Variants in ST7 observed in about 807,000 individuals in gnomAD.
ST7 encodes suppression of tumorigenicity 7, also known as suppressor of tumorigenicity 7 protein.
Under a neutral mutation model 78.7 loss-of-function variants are expected in ST7, and 28 were observed. The ratio of observed to expected loss-of-function variants is 0.36; its 90% CI spans 0.26 to 0.49. The LOEUF (loss-of-function observed/expected upper bound fraction) is 0.49. Among genes scored for constraint, ST7 ranks in the 20% least tolerant of loss-of-function variants. ST7 has a pLI of 0.99. For missense variants in ST7, 418 were observed against 696.0 expected, an observed-to-expected ratio of 0.60 and a Z score of 4.49; for synonymous variants, 247 against 249.6, an observed-to-expected ratio of 0.99 and a Z score of 0.10.
chr7:116,985,734 G>A (rs975940832), intron 1 of ST7, among the ~76,000 whole-genome samples: 1 of 152,198 alleles, frequency 6.6e-6, no homozygotes, highest in Non-Finnish European at 1.5e-5. Context: ...TTTTAGATGA[G>A]CTGTGAGGAA....
At chr7:117,202,679 C>G (rs568640567) in intron 12 of ST7, among the ~76,000 whole-genome samples, 1 of 152,260 alleles carries the variant, frequency 6.6e-6, no homozygotes, top group South Asian at 2.1e-4. Context: ...TCTGTTGATC[C>G]TACACATGAC....
At chr7:117,022,413 A>G (rs1043823623) in intron 1 of ST7, among the ~76,000 whole-genome samples, 1 of 152,208 alleles carries the variant, frequency 6.6e-6, no homozygotes, top group Non-Finnish European at 1.5e-5. Context: ...CATTCTGCAC[A>G]TGTACCCCAG....
chr7:117,034,901 GT>G (rs1796797505), intron 1 of ST7, among the ~76,000 whole-genome samples: 1 of 152,062 alleles, frequency 6.6e-6, no homozygotes, highest in Admixed American at 6.6e-5. Flanking sequence ...TTACTTTCTG[GT>G]TTGTTTCTTT....
intron 1 of ST7, among the ~76,000 whole-genome samples, chr7:117,087,618 C>A (rs1356839688): frequency 1.3e-5 from 2 of 152,198 alleles, no homozygotes; most frequent in African/African-American, 4.8e-5. Context: ...TTATCTTTAA[C>A]TTAAGTCACA....
intron 10 of ST7, 23 bp from the exon 11 acceptor site, chr7:117,189,298 C>T (rs1809562582): frequency 6.3e-7 from 1 of 1,581,544 alleles, no homozygotes; most frequent in Non-Finnish European, 8.6e-7. Context: ...CTTATGTGTT[C>T]CTACTTTCTT....
At chr7:117,173,424 T>C (rs984036462) in intron 10 of ST7, 1 of 152,222 alleles carries the variant, frequency 6.6e-6, no homozygotes, top group Non-Finnish European at 1.5e-5. Flanking sequence ...AGGGTTGAGC[T>C]GCAGCCACTG....
intron 1 of ST7, chr7:117,073,195 G>T (rs1229012145): frequency 6.6e-6 from 1 of 152,118 alleles, no homozygotes; most frequent in African/African-American, 2.4e-5. Context: ...AACAACTGAA[G>T]AAATCAATAG....
At chr7:117,015,386 T>C (rs1181482731) in intron 1 of ST7, among the ~76,000 whole-genome samples, 1 of 151,996 alleles carries the variant, frequency 6.6e-6, no homozygotes, top group East Asian at 1.9e-4. Flanking sequence ...CTACAGAGAG[T>C]TTCTGTTATT....
At chr7:116,970,201 A>G (rs1013324994) in intron 1 of ST7, among the ~76,000 whole-genome samples, 1 of 152,212 alleles carries the variant, frequency 6.6e-6, no homozygotes, top group Non-Finnish European at 1.5e-5. Flanking sequence ...AGGGTGGAAC[A>G]TCCTGTGTTA....
intron 12 of ST7, chr7:117,198,534 C>A (rs1810521529): frequency 6.7e-6 from 2 of 299,032 alleles, no homozygotes; most frequent in Admixed American, 9.0e-5. Flanking sequence ...CAGCTTGTAG[C>A]TGCTTGGTAA....
At chr7:117,207,346 C>T (rs1791867005) in intron 12 of ST7, among the ~76,000 whole-genome samples, 1 of 151,862 alleles carries the variant, frequency 6.6e-6, no homozygotes, top group Non-Finnish European at 1.5e-5. Context: ...GTTTTACCAC[C>T]TTGGCCAGGC....
At chr7:117,228,655 T>G (rs1187842443) in intron 15 of ST7, among the ~76,000 whole-genome samples, 2 of 152,192 alleles carry the variant, frequency 1.3e-5, no homozygotes, top group Non-Finnish European at 2.9e-5. Context: ...AGACCCACAG[T>G]CCACAGAACA....
chr7:117,089,898 A>G (rs1329596364), intron 1 of ST7, among the ~76,000 whole-genome samples: 1 of 151,974 alleles, frequency 6.6e-6, no homozygotes, highest in East Asian at 1.9e-4. Context: ...ACTTTCTTGC[A>G]TGCTAACACA....
intron 10 of ST7, chr7:117,184,304 G>A (rs547413699): frequency 2.6e-5 from 4 of 152,246 alleles, no homozygotes; most frequent in Admixed American, 2.0e-4. Flanking sequence ...ATTCTAACTC[G>A]TAAGAGGTAA....
intron 9 of ST7, among the ~76,000 whole-genome samples, chr7:117,166,400 G>A (rs960494227): frequency 6.7e-6 from 1 of 150,236 alleles, no homozygotes; most frequent in African/African-American, 2.4e-5. Context: ...GGTGACTATA[G>A]TTTATTATAC....
At chr7:117,185,922 C>G (rs1809219067) in intron 10 of ST7, among the ~76,000 whole-genome samples, 1 of 151,406 alleles carries the variant, frequency 6.6e-6, no homozygotes, top group Non-Finnish European at 1.5e-5. Flanking sequence ...GACTCTGTCT[C>G]AAAAAATAAA....
intron 12 of ST7, among the ~76,000 whole-genome samples, chr7:117,205,543 A>G (rs1584599294): frequency 6.6e-6 from 1 of 152,216 alleles, no homozygotes; most frequent in Non-Finnish European, 1.5e-5. Flanking sequence ...CATTCAAATT[A>G]TGATAGAATT....
intron 1 of ST7, among the ~76,000 whole-genome samples, chr7:117,030,617 CCAAT>C (rs1276173935): frequency 6.6e-6 from 1 of 152,074 alleles, no homozygotes; most frequent in Non-Finnish European, 1.5e-5. Context: ...TAGAGAAATG[CCAAT>C]CAAAGCCACA....
chr7:117,033,420 CTT>C (rs59212777), intron 1 of ST7, among the ~76,000 whole-genome samples: 3 of 142,164 alleles, frequency 2.1e-5, no homozygotes. Context: ...TGTATACATG[CTT>C]TTTTTTTTTT....
Sources: allele counts gnomAD v4.1 joint callset (sites outside exome capture counted in the v4.1 genomes callset), GRCh38; gene constraint gnomAD v4.1.1; transcripts MANE v1.5; gene names NCBI Gene and HGNC (gene_info 2026-07-23, HGNC 2026-07-21).